Variants in ANKRD26 observed in about 807,000 individuals in gnomAD.
ANKRD26 encodes the protein ankyrin repeat domain 26.
A neutral mutation model predicts 208.7 loss-of-function variants in ANKRD26; 141 were observed. That is an observed-to-expected ratio of 0.68 (90% CI 0.59 to 0.78). The LOEUF (loss-of-function observed/expected upper bound fraction) is 0.78. Among genes scored for constraint, ANKRD26 ranks in the 30% least tolerant of loss-of-function variants. The pLI, the probability that ANKRD26 is intolerant of heterozygous loss-of-function variation, is 0.00. For synonymous variants in ANKRD26, 636 were observed against 660.4 expected, an observed-to-expected ratio of 0.96 and a Z score of 0.57; for missense variants, 1,889 against 1,938.7, an observed-to-expected ratio of 0.97 and a Z score of 0.48.
chr10:27,093,375 C>G lies in ANKRD26; in HGVS notation c.505G>C (p.Asp169His). The G allele has an allele frequency of 1.9e-6, 3 of 1,614,068 alleles. No homozygotes were observed. The highest frequency in any genetic ancestry group is 1.7e-6 in the Non-Finnish European group (2 of 1,180,032). ...TTGTTTTTTGCTTCAATATTTGCAT[C>G]ATACAAAAGCAGCTTTGTTGCTACT... ...ISVATKLLLY[D>H]ANIEAKNKDD... Residue 169 changes from aspartate to histidine, a missense_variant, in exon 3 of 34, where the codon GAT becomes CAT. Around this residue, in one of 3 missense-constraint regions of ANKRD26, gnomAD observed 1,272 missense variants for 1,273.8 expected, o/e 1.00. Coordinates refer to ENST00000376087, the MANE Select transcript of ANKRD26 (RefSeq NM_014915.3).
chr10:26,994,335 A>G (rs1218962805), intron 5 of ANKRD26, among the ~76,000 whole-genome samples: 1 of 152,192 alleles, frequency 6.6e-6, no homozygotes, highest in Admixed American at 6.5e-5. Context: ...CAGGAATGAC[A>G]GTTTCCAATA....
At chr10:26,999,793 A>G (rs146865604), downstream of ANKRD26, among the ~76,000 whole-genome samples, 1 of 143,072 alleles carries the variant, frequency 7.0e-6, no homozygotes. Context: ...GATAGGTTTG[A>G]GACCAAAACC....
chr10:27,005,863 A>G, intron 33 of ANKRD26, 140 bp from the exon 34 acceptor site: 1 of 1,063,252 alleles, frequency 9.4e-7, no homozygotes, highest in Non-Finnish European at 1.3e-6. Context: ...ATACAATATT[A>G]CTATTAAATA....
At chr10:27,047,704 C>A (rs189559918) in intron 17 of ANKRD26, among the ~76,000 whole-genome samples, 143 of 84,992 alleles carry the variant, frequency 1.7e-3, no homozygotes, top group African/African-American at 4.8e-3. Context: ...TGTAATAATA[C>A]TACTACTACT....
At chr10:27,092,007 A>C (rs1037963962) in intron 4 of ANKRD26, among the ~76,000 whole-genome samples, 2 of 152,082 alleles carry the variant, frequency 1.3e-5, no homozygotes, top group African/African-American at 4.8e-5. Flanking sequence ...AAGTAAACTA[A>C]AAGTTAAAGT....
At chr10:26,971,061 A>G (rs1411127784), downstream of ANKRD26, among the ~76,000 whole-genome samples, 1 of 152,222 alleles carries the variant, frequency 6.6e-6, no homozygotes, top group Non-Finnish European at 1.5e-5. Flanking sequence ...AAGAAATTAA[A>G]AAGTTAAAGT....
intron 13 of ANKRD26, 99 bp from the exon 14 acceptor site, chr10:27,060,639 G>C: frequency 1.1e-6 from 1 of 919,388 alleles, no homozygotes; most frequent in East Asian, 2.6e-5. Flanking sequence ...ATCACGCTTG[G>C]TTTGAAAATG....
chr10:27,042,870 A>G (rs112809382), intron 20 of ANKRD26, among the ~76,000 whole-genome samples: 1,703 of 150,184 alleles, frequency 0.011, 40 homozygotes, highest in African/African-American at 0.04. Flanking sequence ...GGAGGCTGAG[A>G]CACAAGAATC....
intron 9 of ANKRD26, among the ~76,000 whole-genome samples, chr10:27,069,186 C>G (rs1328530919): frequency 1.0e-5 from 1 of 95,572 alleles, no homozygotes; most frequent in African/African-American, 4.7e-5. Flanking sequence ...CAGAGTGAGA[C>G]GTCGTCTCAA....
rs188570093 is a variant in ANKRD26, at chr10:27,096,977, T to C, written c.242+3108A>G. On this transcript the variant is annotated intron_variant, in intron 1 of 33. Coordinates refer to ENST00000376087, the MANE Select transcript of ANKRD26 (RefSeq NM_014915.3). ...CAGGCAGATCACTTGAGGTTAGGAG[T>C]TTGAGACCAGCCTGGCCAACAGGGT... is the stretch of plus-strand genomic sequence containing the variant. Among the ~76,000 whole-genome samples, 632 of 149,240 alleles carry C rather than the reference T, an allele frequency of 4.2e-3. 3 individuals carry two copies. Among genetic ancestry groups the C allele is most frequent in the African/African-American group, 0.015 (596 of 40,314 alleles).
downstream of ANKRD26, among the ~76,000 whole-genome samples, chr10:26,970,194 T>C (rs1297991119): frequency 6.6e-6 from 1 of 152,082 alleles, no homozygotes; most frequent in East Asian, 1.9e-4. Flanking sequence ...GGTGATTTCT[T>C]TGGGGCCCTG....
downstream of ANKRD26, among the ~76,000 whole-genome samples, chr10:26,971,445 T>C (rs904984912): frequency 6.6e-6 from 1 of 151,090 alleles, no homozygotes; most frequent in Non-Finnish European, 1.5e-5. Context: ...GAGGCTGAGG[T>C]TGGCAGATCA....
intron 15 of ANKRD26, among the ~76,000 whole-genome samples, chr10:27,055,567 C>T (rs192557059): frequency 1.7e-4 from 26 of 152,270 alleles, no homozygotes; most frequent in Middle Eastern, 6.8e-3. Flanking sequence ...AAGTAAAACA[C>T]ATTAGATGCA....
intron 9 of ANKRD26, among the ~76,000 whole-genome samples, chr10:27,074,169 TAC>T (rs1443071525): frequency 6.6e-6 from 1 of 152,070 alleles, no homozygotes; most frequent in Non-Finnish European, 1.5e-5. Context: ...CAGCAATGGA[TAC>T]AAAACAAGAT....
intron 1 of ANKRD26, among the ~76,000 whole-genome samples, chr10:27,095,530 T>G (rs2056440600): frequency 6.6e-6 from 1 of 152,122 alleles, no homozygotes; most frequent in Non-Finnish European, 1.5e-5. Context: ...TAGCCGGACA[T>G]GGTGGTACAT....
chr10:27,033,633 T>C (rs1564372541), intron 24 of ANKRD26, among the ~76,000 whole-genome samples: 1 of 152,168 alleles, frequency 6.6e-6, no homozygotes, highest in African/African-American at 2.4e-5. Flanking sequence ...TATTCATTCA[T>C]CCCCCCATGA....
chr10:27,092,274 G>A, intron 4 of ANKRD26, 132 bp downstream of exon 4: 1 of 671,280 alleles, frequency 1.5e-6, no homozygotes, highest in Non-Finnish European at 2.6e-6. Flanking sequence ...ACTTGAGTGA[G>A]AAACACCAAC....
intron 29 of ANKRD26, 98 bp from the exon 30 acceptor site, chr10:27,017,890 A>G: frequency 8.7e-7 from 1 of 1,144,802 alleles, no homozygotes; most frequent in South Asian, 1.4e-5. Flanking sequence ...ATTCAGTTGC[A>G]ATAAAATGTC....
intron 16 of ANKRD26, among the ~76,000 whole-genome samples, chr10:27,052,393 T>C (rs1008908104): frequency 1.3e-5 from 2 of 152,172 alleles, no homozygotes; most frequent in African/African-American, 4.8e-5. Context: ...ATTTGTAGCA[T>C]TATAAAGGCA....
Sources: allele counts gnomAD v4.1 joint callset (sites outside exome capture counted in the v4.1 genomes callset), GRCh38; gene constraint gnomAD v4.1.1; regional missense constraint gnomAD v4.1.1; transcripts MANE v1.5; gene names NCBI Gene and HGNC (gene_info 2026-07-23, HGNC 2026-07-21).